The following AK7 variants were observed in gnomAD, a reference collection of about 807,000 sequenced individuals.
AK7 encodes adenylate kinase 7.
In AK7, 78 loss-of-function variants were observed where a neutral mutation model predicts 96.6. The observed-to-expected ratio is 0.81, with a 90% CI of 0.67 to 0.97. AK7 has a LOEUF of 0.97. Among genes scored for constraint, AK7 ranks in the 50% least tolerant of loss-of-function variants. The pLI is 0.00. For synonymous variants in AK7, 302 were observed against 317.2 expected, an observed-to-expected ratio of 0.95 and a Z score of 0.51; for missense variants, 855 against 887.9, an observed-to-expected ratio of 0.96 and a Z score of 0.47.
chr14:96,450,624 G>A (rs561592199), intron 9 of AK7, among the ~76,000 whole-genome samples: 3 of 151,626 alleles, frequency 2.0e-5, no homozygotes, highest in Admixed American at 6.6e-5. Flanking sequence ...GCATTAGAAT[G>A]CAATTCTTTT....
intron 2 of AK7, chr14:96,398,520 T>G: frequency 4.0e-6 from 2 of 497,992 alleles, no homozygotes; most frequent in South Asian, 2.2e-5. Context: ...CTCATACAGT[T>G]CTCCTCTTCA....
At chr14:96,474,606 C>T (rs887351199) in intron 14 of AK7, among the ~76,000 whole-genome samples, 1 of 151,900 alleles carries the variant, frequency 6.6e-6, no homozygotes, top group African/African-American at 2.4e-5. Flanking sequence ...GCCTGGGCAA[C>T]AGAGCAAGAA....
chr14:96,471,333 TAAAAAAA>T (rs35566282), intron 12 of AK7, 138 bp from the exon 13 acceptor site: 3 of 186,158 alleles, frequency 1.6e-5, no homozygotes, highest in African/African-American at 3.3e-5. Flanking sequence ...CCCGTCTCTT[TAAAAAAA>T]AAAAAAAAAA....
intron 7 of AK7, among the ~76,000 whole-genome samples, chr14:96,445,581 C>T (rs1893190109): frequency 6.6e-6 from 1 of 151,992 alleles, no homozygotes; most frequent in Non-Finnish European, 1.5e-5. Flanking sequence ...GATCACTTGA[C>T]CCTGGGAGTT....
At chr14:96,435,347 C>A (rs1892577804) in intron 5 of AK7, among the ~76,000 whole-genome samples, 2 of 151,706 alleles carry the variant, frequency 1.3e-5, no homozygotes. Context: ...TCCTTCAAGG[C>A]AGCAGGTTCC....
intron 1 of AK7, among the ~76,000 whole-genome samples, chr14:96,395,863 G>T (rs1255882182): frequency 8.4e-6 from 1 of 119,616 alleles, no homozygotes; most frequent in Non-Finnish European, 1.6e-5. Flanking sequence ...CCAGGCTGGA[G>T]TACAGTAGCA....
At chr14:96,443,902 T>C (rs1251515983) in intron 7 of AK7, among the ~76,000 whole-genome samples, 1 of 151,642 alleles carries the variant, frequency 6.6e-6, no homozygotes, top group Non-Finnish European at 1.5e-5. Flanking sequence ...GCCTCCCAAG[T>C]AGCTGGGACT....
chr14:96,453,493 G>A (rs1821321648), intron 10 of AK7, among the ~76,000 whole-genome samples: 1 of 152,238 alleles, frequency 6.6e-6, no homozygotes, highest in Admixed American at 6.5e-5. Context: ...ATCCCCAAAA[G>A]ATGGAGTCTC....
At chr14:96,473,369 C>A (rs572274105) in intron 14 of AK7, among the ~76,000 whole-genome samples, 2 of 151,672 alleles carry the variant, frequency 1.3e-5, no homozygotes, top group Admixed American at 1.3e-4. Context: ...GACGGGGTTT[C>A]ACCATGTTAG....
At chr14:96,470,583 A>G (rs539317089) in intron 12 of AK7, among the ~76,000 whole-genome samples, 1 of 152,242 alleles carries the variant, frequency 6.6e-6, no homozygotes, top group South Asian at 2.1e-4. Context: ...ACCCAGTGTC[A>G]GGGCTTGAGA....
chr14:96,441,551 A>G (rs552591979), intron 6 of AK7, among the ~76,000 whole-genome samples: 93 of 149,058 alleles, frequency 6.2e-4, no homozygotes, highest in African/African-American at 2.1e-3. Flanking sequence ...AGGCAGGAGA[A>G]TCACTTAAAC....
At chr14:96,480,313 T>C (rs1239692824) in intron 15 of AK7, among the ~76,000 whole-genome samples, 2 of 151,620 alleles carry the variant, frequency 1.3e-5, no homozygotes, top group Non-Finnish European at 2.9e-5. Flanking sequence ...GCACCTGTAA[T>C]CCCAGCTACC....
chr14:96,485,926 G>T (rs1895743917), intron 16 of AK7, among the ~76,000 whole-genome samples: 1 of 151,812 alleles, frequency 6.6e-6, no homozygotes, highest in African/African-American at 2.4e-5. Context: ...CTCCTGAGTA[G>T]CTGGGACTAC....
At chr14:96,451,018 C>CCCG (rs1893572228) in intron 9 of AK7, among the ~76,000 whole-genome samples, 2 of 149,380 alleles carry the variant, frequency 1.3e-5, no homozygotes, top group Non-Finnish European at 2.9e-5. Flanking sequence ...TTGTGATCTG[C>CCCG]CCGCCTTGGT....
In AK7 at chr14:96,446,475, C is replaced by T. The variant is rs375689296; in HGVS notation, c.780-42C>T. On this transcript the variant is annotated intron_variant, in intron 7 of 17. Transcript: ENST00000267584. ...GAATTCTAGTTTACTGCATCTCTTT[C>T]GCTTTTTCCCTTTGATGATTATTTT... 529 of 1,564,284 alleles carry T rather than the reference C, an allele frequency of 3.4e-4. 5 individuals carry two copies. Among genetic ancestry groups the T allele is most frequent in the Middle Eastern group, 1.2e-3 (7 of 5,964 alleles).
intron 15 of AK7, among the ~76,000 whole-genome samples, chr14:96,481,326 C>CATTTATTT (rs942721920): frequency 6.6e-6 from 1 of 151,918 alleles, no homozygotes; most frequent in East Asian, 1.9e-4. Context: ...GGGAGAAATG[C>CATTTATTT]ATTTATTTAT....
rs1273216882 is a variant in AK7, at chr14:96,398,268, G to A, written c.294+5G>A. 6.2e-7 allele frequency: 1 copy of A among 1,612,378 alleles called. No homozygotes were observed. Among genetic ancestry groups the A allele is most frequent in the Non-Finnish European group, 8.5e-7 (1 of 1,179,872 alleles). Reference sequence around the variant, plus strand: ...TTTGCGGTGGAGACGTACTCTGTAAGTCCCGGAGGCTCTGGCCAGGAGTAG... The same window carrying A: ...TTTGCGGTGGAGACGTACTCTGTAAATCCCGGAGGCTCTGGCCAGGAGTAG... On this transcript the variant is annotated splice_donor_5th_base_variant and intron_variant, in intron 2 of 17. Coordinates refer to ENST00000267584, the MANE Select transcript of AK7 (RefSeq NM_152327.5).
At chr14:96,402,223 C>CACAA (rs1890457683) in intron 2 of AK7, among the ~76,000 whole-genome samples, 12 of 136,044 alleles carry the variant, frequency 8.8e-5, no homozygotes, top group African/African-American at 3.0e-4. Flanking sequence ...ACACACAATT[C>CACAA]TTCTTAGTAT....
chr14:96,431,529 T>C (rs1019411220), intron 5 of AK7, among the ~76,000 whole-genome samples: 8 of 152,226 alleles, frequency 5.3e-5, no homozygotes, highest in Non-Finnish European at 1.2e-4. Flanking sequence ...CCAGTAGTCA[T>C]TCAGGAGCAG....
Sources: gnomAD v4.1 joint callset for allele counts (sites outside exome capture counted in the v4.1 genomes callset) on GRCh38, gnomAD v4.1.1 for gene constraint, MANE v1.5 for transcripts, NCBI Gene and HGNC (gene_info 2026-07-23, HGNC 2026-07-21) for gene names.